Variants in FMN2 observed in about 807,000 individuals in gnomAD.
The protein encoded by FMN2 is formin 2.
A neutral mutation model predicts 142.3 loss-of-function variants in FMN2; 51 were observed. The observed-to-expected ratio is 0.36, with a 90% confidence interval of 0.29 to 0.45. The LOEUF is 0.45. Ranked by LOEUF, FMN2 falls within the 20% of genes least tolerant of loss-of-function variation. FMN2 has a pLI of 1.00. For missense variants in FMN2, 1,936 were observed against 2,122.8 expected, an observed-to-expected ratio of 0.91 and a Z score of 1.73; for synonymous variants, 882 against 869.8, an observed-to-expected ratio of 1.01 and a Z score of -0.25.
chr1:240,137,748 G>A (rs573979436), intron 2 of FMN2, among the ~76,000 whole-genome samples: 18 of 152,192 alleles, frequency 1.2e-4, no homozygotes, highest in Admixed American at 7.9e-4. Context: ...GAGGATGCCC[G>A]GAGCCTGGAG....
At chr1:240,470,221 A>AC (rs1240751514) in intron 16 of FMN2, among the ~76,000 whole-genome samples, 4 of 151,898 alleles carry the variant, frequency 2.6e-5, no homozygotes, top group South Asian at 2.1e-4. Flanking sequence ...AAAAAAAAAA[A>AC]AACAGTTTCC....
At chr1:240,320,883 C>T (rs534685841) in intron 8 of FMN2, among the ~76,000 whole-genome samples, 1 of 152,314 alleles carries the variant, frequency 6.6e-6, no homozygotes, top group Non-Finnish European at 1.5e-5. Context: ...TAGGTAAAAA[C>T]GCTGGTGCCT....
At chr1:240,225,649 T>C (rs1252638209) in intron 6 of FMN2, among the ~76,000 whole-genome samples, 1 of 152,138 alleles carries the variant, frequency 6.6e-6, no homozygotes, top group African/African-American at 2.4e-5. Flanking sequence ...CAACAACAAA[T>C]TCAAGTCATG....
chr1:240,325,409 A>G (rs1671137214), intron 8 of FMN2, among the ~76,000 whole-genome samples: 1 of 151,876 alleles, frequency 6.6e-6, no homozygotes, highest in South Asian at 2.1e-4. Context: ...CAAAAGTAAC[A>G]TAGGTTAAAA....
chr1:240,304,055 A>G (rs1428216393), intron 8 of FMN2, among the ~76,000 whole-genome samples: 2 of 151,746 alleles, frequency 1.3e-5, no homozygotes, highest in East Asian at 1.9e-4. Flanking sequence ...CTCTTTATTA[A>G]TATTGCCATT....
rs1161256335 is a variant in FMN2, at chr1:240,144,848, G to A, written c.1782+21503G>A. 27 of 1,437,324 alleles carry A rather than the reference G, an allele frequency of 1.9e-5. No homozygotes were observed. The East Asian group carries it at 3.0e-4, about 16-fold the overall frequency. The allele number at this position is 1,437,324 out of a possible 1,614,324, so 89.0% of individuals were successfully genotyped here. On this transcript the variant is annotated intron_variant, in intron 2 of 17. Coordinates refer to ENST00000319653, the MANE Select transcript of FMN2 (RefSeq NM_020066.5). Reference sequence around the variant, plus strand: ...CAGTGGCTCCTGCTGGACCTTCTTTGCATCATCCAGCTCCTGCCACTCCTT... The same window carrying A: ...CAGTGGCTCCTGCTGGACCTTCTTTACATCATCCAGCTCCTGCCACTCCTT...
intron 6 of FMN2, among the ~76,000 whole-genome samples, chr1:240,227,662 A>G (rs1667359784): frequency 6.6e-6 from 1 of 152,172 alleles, no homozygotes; most frequent in Non-Finnish European, 1.5e-5. Context: ...TGGTCTGTTG[A>G]TTTTTGACAA....
chr1:240,239,508 T>G (rs1301359148), intron 6 of FMN2, among the ~76,000 whole-genome samples: 1 of 152,222 alleles, frequency 6.6e-6, no homozygotes, highest in Non-Finnish European at 1.5e-5. Context: ...AGGAGGTCTT[T>G]GAAGAATCAG....
At chr1:240,380,189 C>T (rs996675736) in intron 14 of FMN2, among the ~76,000 whole-genome samples, 3 of 152,082 alleles carry the variant, frequency 2.0e-5, no homozygotes, top group Non-Finnish European at 4.4e-5. Context: ...TATTTTTTCT[C>T]ATCTGTCCAT....
chr1:240,361,137 ATG>A (rs370166767), intron 14 of FMN2, among the ~76,000 whole-genome samples: 131 of 121,144 alleles, frequency 1.1e-3, no homozygotes, highest in Non-Finnish European at 1.7e-3. Context: ...AAATAAATAT[ATG>A]TGTATATATA....
intron 15 of FMN2, among the ~76,000 whole-genome samples, chr1:240,422,573 T>C (rs1201078884): frequency 3.3e-5 from 5 of 152,204 alleles, no homozygotes. Context: ...GGGAAAGCAG[T>C]TGAGTTTTGT....
chr1:240,355,926 G>T lies in FMN2; in HGVS notation c.4858+18G>T. Reference sequence around the variant, plus strand: ...TATTCAAGGTAAATTCCAAAGAGATGTGTTATGTTTTTCTCCCCTTTCAGC... The same window carrying T: ...TATTCAAGGTAAATTCCAAAGAGATTTGTTATGTTTTTCTCCCCTTTCAGC... On this transcript the variant is annotated intron_variant, in intron 14 of 17. Transcript: ENST00000319653. 3.4e-6 allele frequency: 2 copies of T among 590,360 alleles called. No homozygotes were observed. The highest frequency in any genetic ancestry group is 2.4e-5 in the African/African-American group (1 of 42,510). The allele number at this position is 590,360 out of a possible 1,614,324, so 36.6% of individuals were successfully genotyped here. A position where few individuals can be genotyped will look rare whatever the true frequency, so the allele number is the denominator to read the frequency against.
At chr1:240,415,427 C>G (rs1674545701) in intron 15 of FMN2, among the ~76,000 whole-genome samples, 1 of 151,854 alleles carries the variant, frequency 6.6e-6, no homozygotes, top group Non-Finnish European at 1.5e-5. Context: ...GGAGAAATAC[C>G]TAATGTAGAT....
In FMN2 at chr1:240,093,725, G is replaced by A; in HGVS notation, c.1615+1G>A. 7.5e-7 allele frequency: 1 copy of A among 1,338,570 alleles called. No individual in the cohort carries two copies. The highest frequency in any genetic ancestry group is 9.5e-7 in the Non-Finnish European group (1 of 1,050,950). The allele number at this position is 1,338,570 out of a possible 1,614,324, so 82.9% of individuals were successfully genotyped here. On this transcript the variant is annotated splice_donor_variant, in intron 1 of 17. Coordinates refer to ENST00000319653, the MANE Select transcript of FMN2 (RefSeq NM_020066.5). LOFTEE classifies it high-confidence loss of function. ...GATGGCTTCCAGAACGTGTTCACAG[G>A]TGAGCGCGCCCTGCTGCTGGCCTCC...
At chr1:240,243,101 G>A (rs1030449658) in intron 6 of FMN2, among the ~76,000 whole-genome samples, 3 of 151,900 alleles carry the variant, frequency 2.0e-5, no homozygotes, top group Admixed American at 6.6e-5. Flanking sequence ...AAGTAAGACT[G>A]CAGTCTTCCT....
At chr1:240,278,382 G>T (rs1669288443) in intron 7 of FMN2, among the ~76,000 whole-genome samples, 1 of 152,126 alleles carries the variant, frequency 6.6e-6, no homozygotes. Context: ...CTTAGTGAAA[G>T]GCTCGAAGTG....
At chr1:240,407,283 G>A (rs1024518018) in intron 15 of FMN2, among the ~76,000 whole-genome samples, 7 of 152,008 alleles carry the variant, frequency 4.6e-5, no homozygotes, top group Non-Finnish European at 7.4e-5. Flanking sequence ...GATTACAGGC[G>A]CGCGCCACTG....
At chr1:240,116,100 A>T (rs1314991081) in intron 1 of FMN2, among the ~76,000 whole-genome samples, 1 of 152,218 alleles carries the variant, frequency 6.6e-6, no homozygotes, top group Non-Finnish European at 1.5e-5. Flanking sequence ...GGACAACCAG[A>T]GGTCGCTTTC....
Position 240,211,255 on chromosome 1 carries a change from A to G in FMN2, c.4065+20A>G, listed in dbSNP as rs1185564496. On this transcript the variant is annotated intron_variant, in intron 6 of 17. Transcript: ENST00000319653. ...AAACAAGTGAGTATTTTTGTGCTTTATGAAATTGGACAGTGTTTCTGGCAT... is the reference window on the plus strand; with the variant it reads ...AAACAAGTGAGTATTTTTGTGCTTTGTGAAATTGGACAGTGTTTCTGGCAT... The G allele has an allele frequency of 1.2e-6, 2 of 1,605,624 alleles. No homozygotes were observed. Among genetic ancestry groups the G allele is most frequent in the Non-Finnish European group, 1.7e-6 (2 of 1,177,134 alleles).
Sources: gnomAD v4.1 joint callset for allele counts (sites outside exome capture counted in the v4.1 genomes callset) on GRCh38, gnomAD v4.1.1 for gene constraint, MANE v1.5 for transcripts, NCBI Gene and HGNC (gene_info 2026-07-23, HGNC 2026-07-21) for gene names.